Variants in ADGRF5 observed in about 807,000 individuals in gnomAD.
The protein encoded by ADGRF5 is adhesion G protein-coupled receptor F5.
A neutral mutation model predicts 132.3 loss-of-function variants in ADGRF5; 75 were observed. The observed-to-expected ratio is 0.57, with a 90% CI of 0.47 to 0.69. The LOEUF (loss-of-function observed/expected upper bound fraction) is 0.69. ADGRF5 is among the 30% of genes least tolerant of loss of function. The pLI, the probability that ADGRF5 is intolerant of heterozygous loss-of-function variation, is 0.00. For synonymous variants in ADGRF5, 629 were observed against 597.6 expected, an observed-to-expected ratio of 1.05 and a Z score of -0.77; for missense variants, 1,516 against 1,630.6, an observed-to-expected ratio of 0.93 and a Z score of 1.21.
intron 12 of ADGRF5, among the ~76,000 whole-genome samples, chr6:46,868,000 C>G (rs1032049235): frequency 6.6e-6 from 1 of 152,192 alleles, no homozygotes; most frequent in South Asian, 2.1e-4. Context: ...AAGAAAAATA[C>G]TTCCATTTCC....
At chr6:46,918,303 C>T (rs535234961) in intron 1 of ADGRF5, among the ~76,000 whole-genome samples, 3 of 152,116 alleles carry the variant, frequency 2.0e-5, no homozygotes, top group African/African-American at 7.2e-5. Flanking sequence ...TGAACAGGCC[C>T]GGTAGTCCTC....
At chr6:46,933,894 G>A (rs1424839859) in intron 1 of ADGRF5, among the ~76,000 whole-genome samples, 1 of 152,230 alleles carries the variant, frequency 6.6e-6, no homozygotes, top group African/African-American at 2.4e-5. Context: ...ACAATTACAC[G>A]ATTATTCCAG....
At chr6:46,906,945 T>A (rs1418616720) in intron 1 of ADGRF5, among the ~76,000 whole-genome samples, 159 bp from the exon 2 acceptor site, 2 of 152,196 alleles carry the variant, frequency 1.3e-5, no homozygotes, top group Non-Finnish European at 2.9e-5. Flanking sequence ...TAGCATTCTC[T>A]GCCCAGACCT....
chr6:46,937,936 AT>A (rs998127997), intron 1 of ADGRF5, among the ~76,000 whole-genome samples: 8 of 151,990 alleles, frequency 5.3e-5, no homozygotes, highest in African/African-American at 1.4e-4. Flanking sequence ...AAACTTATAA[AT>A]TTTTTTTCTG....
intron 10 of ADGRF5, among the ~76,000 whole-genome samples, chr6:46,873,028 C>T (rs1032384549): frequency 6.6e-6 from 1 of 152,144 alleles, no homozygotes; most frequent in African/African-American, 2.4e-5. Flanking sequence ...TACCTCCTAG[C>T]TCACAGACAT....
chr6:46,932,443 A>G (rs951478108), intron 1 of ADGRF5, among the ~76,000 whole-genome samples: 2 of 152,172 alleles, frequency 1.3e-5, no homozygotes, highest in African/African-American at 4.8e-5. Flanking sequence ...AGTGGAATCC[A>G]GTATACCCCA....
intron 2 of ADGRF5, among the ~76,000 whole-genome samples, chr6:46,900,450 C>A (rs1361398333): frequency 6.6e-6 from 1 of 152,184 alleles, no homozygotes. Context: ...ATCCCAGTGA[C>A]CTTCGAGACA....
At chr6:46,940,304 A>G (rs868351215) in intron 1 of ADGRF5, among the ~76,000 whole-genome samples, 26 of 152,170 alleles carry the variant, frequency 1.7e-4, no homozygotes, top group Admixed American at 7.2e-4. Context: ...ATTTGTTTTG[A>G]GAAATTTAGT....
chr6:46,926,072 G>A (rs1010387466), upstream of ADGRF5, among the ~76,000 whole-genome samples: 1 of 152,164 alleles, frequency 6.6e-6, no homozygotes, highest in Non-Finnish European at 1.5e-5. Context: ...TAATCGGGCA[G>A]TTTCATAGTA....
intron 4 of ADGRF5, 143 bp downstream of exon 4, chr6:46,888,192 T>C: frequency 1.6e-6 from 1 of 621,370 alleles, no homozygotes; most frequent in Non-Finnish European, 2.9e-6. Flanking sequence ...AGGAAGGCTG[T>C]GAAGTCACAG....
intron 1 of ADGRF5, among the ~76,000 whole-genome samples, chr6:46,928,923 T>A (rs1031413857): frequency 1.3e-5 from 2 of 152,146 alleles, no homozygotes; most frequent in African/African-American, 2.4e-5. Flanking sequence ...CCATTGTGGA[T>A]GTCAGTGTGG....
At chr6:46,917,078 ATATGG>A (rs752448331) in intron 1 of ADGRF5, among the ~76,000 whole-genome samples, 62 of 152,228 alleles carry the variant, frequency 4.1e-4, no homozygotes, top group Non-Finnish European at 2.9e-4. Context: ...GACACTTGCC[ATATGG>A]CAAGCATTAG....
intron 4 of ADGRF5, 76 bp from the exon 5 acceptor site, chr6:46,884,347 T>G: frequency 1.8e-6 from 2 of 1,138,958 alleles, no homozygotes; most frequent in Non-Finnish European, 2.6e-6. Flanking sequence ...AGCCTGCAGG[T>G]ATTCATTCTT....
At chr6:46,876,249 G>A (rs1771637529) in intron 10 of ADGRF5, among the ~76,000 whole-genome samples, 1 of 152,196 alleles carries the variant, frequency 6.6e-6, no homozygotes, top group Admixed American at 6.5e-5. Context: ...CCAGCCCTGA[G>A]GCAGGAAATC....
intron 3 of ADGRF5, among the ~76,000 whole-genome samples, chr6:46,896,873 C>T (rs1774236651): frequency 6.6e-6 from 1 of 151,834 alleles, no homozygotes; most frequent in African/African-American, 2.4e-5. Flanking sequence ...TTAAAAAGTA[C>T]AGTACAACAA....
chr6:46,856,369 T>C (rs1408041009), intron 19 of ADGRF5, among the ~76,000 whole-genome samples: 1 of 152,224 alleles, frequency 6.6e-6, no homozygotes, highest in African/African-American at 2.4e-5. Context: ...ATTCTTCAAC[T>C]TGTTTTCTCT....
Position 46,879,930 on chromosome 6 carries a change from T to A in ADGRF5, c.924A>T (p.Glu308Asp). The part of the protein sequence containing the change: ...LSSNVSWRYE[E>D]QQLEIQNSSR... The stretch of plus-strand genomic sequence containing the variant: ...TGCTGTTCTGGATTTCCAACTGCTG[T>A]TCTTCATAGCGCCAAGACACATTGG... The change falls in exon 9 of 21, where the codon GAA (glutamate) becomes GAT (aspartate). Residue 308 changes from glutamate to aspartate, a missense_variant. Glu to Asp is a conservative substitution (Grantham distance 45). Around this residue, in one of 2 missense-constraint regions of ADGRF5, gnomAD observed 945 missense variants for 929.4 expected, o/e 1.02. Transcript: ENST00000283296. 1 of 1,614,044 alleles carries A rather than the reference T, an allele frequency of 6.2e-7. No homozygotes were observed. The highest frequency in any genetic ancestry group is 8.5e-7 in the Non-Finnish European group (1 of 1,179,908).
At chr6:46,896,340 C>T (rs944281212) in intron 3 of ADGRF5, among the ~76,000 whole-genome samples, 2 of 152,032 alleles carry the variant, frequency 1.3e-5, no homozygotes, top group East Asian at 1.9e-4. Flanking sequence ...TGCTTTTTCT[C>T]GCCTCTAGGT....
At chr6:46,932,609 G>A (rs1452966743) in intron 1 of ADGRF5, among the ~76,000 whole-genome samples, 1 of 152,160 alleles carries the variant, frequency 6.6e-6, no homozygotes, top group South Asian at 2.1e-4. Flanking sequence ...CTGAGGAAGA[G>A]CTAGAAATTC....
Sources: allele counts gnomAD v4.1 joint callset (sites outside exome capture counted in the v4.1 genomes callset), GRCh38; gene constraint gnomAD v4.1.1; regional missense constraint gnomAD v4.1.1; transcripts MANE v1.5; gene names NCBI Gene and HGNC (gene_info 2026-07-23, HGNC 2026-07-21).